The following AKT3 variants were observed in gnomAD, a reference collection of about 807,000 sequenced individuals.
AKT3 encodes AKT serine/threonine kinase 3.
A neutral mutation model predicts 65.3 loss-of-function variants in AKT3; 15 were observed. The observed-to-expected ratio is 0.23, with a 90% CI of 0.15 to 0.35. The LOEUF (loss-of-function observed/expected upper bound fraction) is 0.35, where lower values mean the gene tolerates loss of function less well. AKT3 is among the 10% of genes least tolerant of loss of function. The probability of loss-of-function intolerance (pLI) is 1.00; values close to 1 mark genes in which losing one functional copy is unlikely to be tolerated. For missense variants in AKT3, 243 were observed against 576.5 expected, an observed-to-expected ratio of 0.42 and a Z score of 5.92; for synonymous variants, 206 against 183.8, an observed-to-expected ratio of 1.12 and a Z score of -0.98.
chr1:243,529,148 CTTT>C (rs1057499486), intron 12 of AKT3, among the ~76,000 whole-genome samples: 81 of 128,268 alleles, frequency 6.3e-4, no homozygotes, highest in African/African-American at 2.1e-3. Context: ...TGTAATGGAG[CTTT>C]TTTTTTTTTT....
intron 2 of AKT3, among the ~76,000 whole-genome samples, chr1:243,775,461 T>C (rs1690488132): frequency 6.6e-6 from 1 of 152,206 alleles, no homozygotes; most frequent in African/African-American, 2.4e-5. Flanking sequence ...ATTACGGGCA[T>C]GAGCCACTGC....
intron 8 of AKT3, among the ~76,000 whole-genome samples, chr1:243,599,629 C>A (rs968774878): frequency 2.0e-5 from 3 of 152,070 alleles, no homozygotes; most frequent in African/African-American, 7.2e-5. Flanking sequence ...AGAAGCAGAG[C>A]TAATCAAACT....
chr1:243,573,910 C>G (rs1044098914), intron 8 of AKT3, among the ~76,000 whole-genome samples: 1 of 152,102 alleles, frequency 6.6e-6, no homozygotes, highest in Admixed American at 6.5e-5. Context: ...GGACAACATA[C>G]ATGAAGAAAG....
chr1:243,659,397 A>C (rs1682093513), intron 4 of AKT3, among the ~76,000 whole-genome samples: 1 of 152,210 alleles, frequency 6.6e-6, no homozygotes, highest in African/African-American at 2.4e-5. Context: ...AAAATGAAAG[A>C]GGATTTCACA....
intron 2 of AKT3, among the ~76,000 whole-genome samples, chr1:243,782,568 G>T (rs1281042400): frequency 1.3e-5 from 2 of 152,070 alleles, no homozygotes; most frequent in African/African-American, 4.8e-5. Context: ...TCATATCCGG[G>T]ATTAGGTTTC....
At chr1:243,560,272 T>C (rs1673681850) in intron 10 of AKT3, among the ~76,000 whole-genome samples, 1 of 152,128 alleles carries the variant, frequency 6.6e-6, no homozygotes, top group Admixed American at 6.6e-5. Context: ...GGCAAAAACA[T>C]CTTCTACCAT....
intron 12 of AKT3, among the ~76,000 whole-genome samples, chr1:243,540,146 A>G (rs1238029327): frequency 1.3e-5 from 2 of 152,202 alleles, no homozygotes; most frequent in Non-Finnish European, 2.9e-5. Context: ...ACATTTTAGG[A>G]AAAGAAGATG....
intron 2 of AKT3, among the ~76,000 whole-genome samples, chr1:243,781,935 A>G (rs1690941900): frequency 6.6e-6 from 1 of 152,076 alleles, no homozygotes; most frequent in Non-Finnish European, 1.5e-5. Context: ...CAATCCTCCT[A>G]CCTCAGCCTT....
chr1:243,775,347 A>AT (rs1690482046), intron 2 of AKT3, among the ~76,000 whole-genome samples: 1 of 151,968 alleles, frequency 6.6e-6, no homozygotes, highest in South Asian at 2.1e-4. Flanking sequence ...CGCCCAGCTA[A>AT]TTTTTTGTAT....
intron 2 of AKT3, among the ~76,000 whole-genome samples, chr1:243,733,830 G>GA (rs1472554117): frequency 7.9e-5 from 12 of 152,142 alleles, no homozygotes; most frequent in Non-Finnish European, 1.3e-4. Context: ...TATGCTGTTG[G>GA]AAAAAATGAC....
chr1:243,681,661 G>A (rs1050780998), intron 3 of AKT3, among the ~76,000 whole-genome samples: 6 of 152,088 alleles, frequency 3.9e-5, no homozygotes, highest in Admixed American at 3.3e-4. Context: ...GGGTGCTGAC[G>A]ACGTATTACT....
In AKT3 at chr1:243,832,521, T is replaced by C. The variant is rs997084159; in HGVS notation, c.46+10604A>G. 6.4e-4 allele frequency among the ~76,000 whole-genome samples: 98 copies of C among 152,270 alleles called. 1 individual carries two copies. Among genetic ancestry groups the C allele is most frequent in the African/African-American group, 2.2e-3 (91 of 41,548 alleles). ...CTTCTATATATAAAATTATAAACTC[T>C]GTATAAAATATAAAGAATGACAATT... is the stretch of plus-strand genomic sequence containing the variant. On this transcript the variant is annotated intron_variant, in intron 2 of 13. Transcript: ENST00000673466.
intron 2 of AKT3, among the ~76,000 whole-genome samples, chr1:243,791,912 T>C (rs1691654315): frequency 6.6e-6 from 1 of 152,226 alleles, no homozygotes; most frequent in Admixed American, 6.5e-5. Flanking sequence ...ACAAAACTAG[T>C]AAAAATTAGA....
chr1:243,578,631 C>T (rs1675119330), intron 8 of AKT3, among the ~76,000 whole-genome samples: 1 of 152,116 alleles, frequency 6.6e-6, no homozygotes, highest in African/African-American at 2.4e-5. Flanking sequence ...ACCACCATGG[C>T]ACACATTTAC....
intron 2 of AKT3, among the ~76,000 whole-genome samples, chr1:243,764,482 T>C (rs1475070521): frequency 6.6e-6 from 1 of 152,206 alleles, no homozygotes; most frequent in Middle Eastern, 3.4e-3. Flanking sequence ...CTTAAAAGTA[T>C]AATACACAAA....
intron 12 of AKT3, among the ~76,000 whole-genome samples, chr1:243,528,507 C>T (rs1671308257): frequency 6.6e-6 from 1 of 152,094 alleles, no homozygotes; most frequent in Admixed American, 6.5e-5. Context: ...TTGGTGTCTG[C>T]TCTTCCTCTC....
intron 5 of AKT3, among the ~76,000 whole-genome samples, chr1:243,644,297 T>C (rs1680646096): frequency 1.3e-5 from 2 of 152,184 alleles, no homozygotes. Flanking sequence ...ATTTGGATAT[T>C]AGTTAATTTC....
chr1:243,668,695 T>C (rs1682968761), intron 3 of AKT3, among the ~76,000 whole-genome samples: 1 of 152,186 alleles, frequency 6.6e-6, no homozygotes, highest in Admixed American at 6.5e-5. Flanking sequence ...GCTGCATGTG[T>C]ACAGGTGAGG....
chr1:243,844,378 G>A (rs1420952184), intron 1 of AKT3, among the ~76,000 whole-genome samples: 1 of 152,180 alleles, frequency 6.6e-6, no homozygotes, highest in African/African-American at 2.4e-5. Flanking sequence ...TCAGAGTAAA[G>A]GCATACATAC....
Sources: allele counts gnomAD v4.1 joint callset (sites outside exome capture counted in the v4.1 genomes callset), GRCh38; gene constraint gnomAD v4.1.1; transcripts MANE v1.5; gene names NCBI Gene and HGNC (gene_info 2026-07-23, HGNC 2026-07-21).